ADAM20: variants seen among roughly 807,000 people sequenced by gnomAD.
ADAM20 encodes disintegrin and metalloproteinase domain-containing protein 20.
For missense variants in ADAM20, 871 were observed against 883.2 expected, an observed-to-expected ratio of 0.99 and a Z score of 0.18; for synonymous variants, 305 against 310.2, an observed-to-expected ratio of 0.98 and a Z score of 0.18.
At chr14:70,545,237 G>A in the ADAM20 span, among the ~76,000 whole-genome samples, 3 of 152,274 alleles carry the variant, frequency 2.0e-5, no homozygotes, top group Non-Finnish European at 4.4e-5. Flanking sequence ...ACAGTGCCCC[G>A]TTTTGACTTC....
chr14:70,565,467 C>T, the ADAM20 span, among the ~76,000 whole-genome samples: 1 of 152,004 alleles, frequency 6.6e-6, no homozygotes, highest in African/African-American at 2.4e-5. Flanking sequence ...ACATTATAGT[C>T]AAAATGTCAA....
the ADAM20 span, among the ~76,000 whole-genome samples, chr14:70,561,597 G>A: frequency 2.0e-5 from 3 of 152,260 alleles, no homozygotes; most frequent in Non-Finnish European, 4.4e-5. Context: ...AGGTCTGGAG[G>A]CCTAGGAGAG....
chr14:70,547,108 A>G, the ADAM20 span, among the ~76,000 whole-genome samples: 1 of 152,246 alleles, frequency 6.6e-6, no homozygotes, highest in African/African-American at 2.4e-5. Flanking sequence ...AGAAATGTTT[A>G]AATTCCTAGA....
the ADAM20 span, among the ~76,000 whole-genome samples, chr14:70,559,015 A>G: frequency 1.3e-5 from 2 of 152,164 alleles, no homozygotes; most frequent in Non-Finnish European, 2.9e-5. Flanking sequence ...TGATGATCTC[A>G]TCCATCTCAT....
chr14:70,523,726 A>G lies in ADAM20; in HGVS notation c.1032T>C (p.Leu344=). The G allele has an allele frequency of 1.2e-6, 2 of 1,614,074 alleles. No homozygotes were observed. Among genetic ancestry groups the G allele is most frequent in the Non-Finnish European group, 1.7e-6 (2 of 1,179,964 alleles). The change falls in exon 2 of 2, where the codon CTT becomes CTC. Residue 344 remains leucine (L), a synonymous_variant. Coordinates refer to ENST00000256389, the MANE Select transcript of ADAM20 (RefSeq NM_003814.5). ...CATGTTGCATACCCAAATTATGACCAAGCTCGTGGCCCAAAGTAATTGCAA... is the reference window on the plus strand; with the variant it reads ...CATGTTGCATACCCAAATTATGACCGAGCTCGTGGCCCAAAGTAATTGCAA... ...VVFAITLGHE[L]GHNLGMQHDT...
chr14:70,526,379 A>G (rs1883591987), intron 1 of ADAM20, among the ~76,000 whole-genome samples: 1 of 152,134 alleles, frequency 6.6e-6, no homozygotes, highest in African/African-American at 2.4e-5. Context: ...GGATGCCACA[A>G]GAGGAAATCA....
Position 70,522,688 on chromosome 14 carries a change from C to T in ADAM20, c.2070G>A (p.Lys690=), listed in dbSNP as rs766302796. 1.2e-6 allele frequency: 2 copies of T among 1,613,988 alleles called. No individual in the cohort carries two copies. The highest frequency in any genetic ancestry group is 3.3e-5 in the Admixed American group (2 of 59,982). ...GGCACAATAGTGACAGGTAACGCAA[C>T]TTTCCCATCACATTTAATCCTTCCA... ...NNMEGLNVMG[K]LRYLSLLCLL... The change falls in exon 2 of 2, where the codon AAG becomes AAA. Residue 690 remains lysine, a synonymous_variant. Transcript: ENST00000256389.
chr14:70,524,152 C>G lies in ADAM20; in HGVS notation c.606G>C (p.Trp202Cys), dbSNP rs538562888. ...FTLKQSSFVG[W>C]WTHQRFVELV... ...GCTCAACAAACCGCTGATGGGTCCA[C>G]CAGCCCACAAAAGAACTTTGCTTCA... Residue 202 changes from tryptophan (W) to cysteine (C), a missense_variant, in exon 2 of 2, where the codon TGG becomes TGC. By Grantham distance (215) the Trp-to-Cys change is radical (BLOSUM62 -2). Coordinates refer to ENST00000256389, the MANE Select transcript of ADAM20 (RefSeq NM_003814.5). The G allele has an allele frequency of 5.0e-6, 8 of 1,613,858 alleles. No individual in the cohort carries two copies. Among genetic ancestry groups the G allele is most frequent in the South Asian group, 3.3e-5 (3 of 91,078 alleles).
At chr14:70,574,753 AAG>A in the ADAM20 span, among the ~76,000 whole-genome samples, 2 of 152,234 alleles carry the variant, frequency 1.3e-5, no homozygotes, top group African/African-American at 4.8e-5. Flanking sequence ...AGAAACAACA[AAG>A]ATCAGGGCAG....
the ADAM20 span, among the ~76,000 whole-genome samples, chr14:70,554,317 G>T: frequency 2.6e-5 from 4 of 152,148 alleles, no homozygotes; most frequent in Non-Finnish European, 5.9e-5. Flanking sequence ...AAAAAGTATG[G>T]AGATTCCTTA....
At chr14:70,553,309 T>TAAAAAAAA in the ADAM20 span, among the ~76,000 whole-genome samples, 10 of 17,254 alleles carry the variant, frequency 5.8e-4, no homozygotes, top group East Asian at 5.5e-3. Context: ...TAGAGTATAA[T>TAAAAAAAA]AAAAAAAAAA....
the ADAM20 span, among the ~76,000 whole-genome samples, chr14:70,567,569 GA>G: frequency 3.3e-5 from 5 of 152,162 alleles, no homozygotes; most frequent in Non-Finnish European, 7.3e-5. Context: ...TGCATTCGGA[GA>G]AAGCATTTTT....
chr14:70,543,532 G>A, the ADAM20 span, among the ~76,000 whole-genome samples: 1 of 151,996 alleles, frequency 6.6e-6, no homozygotes, highest in Non-Finnish European at 1.5e-5. Flanking sequence ...TTTAAAGAAG[G>A]GGCTAAAAAG....
At chr14:70,575,510 A>T in the ADAM20 span, among the ~76,000 whole-genome samples, 1 of 152,296 alleles carries the variant, frequency 6.6e-6, no homozygotes, top group East Asian at 1.9e-4. Flanking sequence ...ACAAAAGAAC[A>T]CACAAAAAAA....
chr14:70,575,384 G>A, the ADAM20 span, among the ~76,000 whole-genome samples: 2 of 151,784 alleles, frequency 1.3e-5, no homozygotes, highest in African/African-American at 4.8e-5. Flanking sequence ...TAGTAGAGAT[G>A]GGGTTTCAGG....
At chr14:70,555,926 G>A in the ADAM20 span, among the ~76,000 whole-genome samples, 4 of 152,256 alleles carry the variant, frequency 2.6e-5, no homozygotes, top group African/African-American at 7.2e-5. Context: ...ACCTGCAACA[G>A]TTCCTTTTAA....
At chr14:70,535,416 G>A (rs1033040374), upstream of ADAM20, among the ~76,000 whole-genome samples, 1 of 152,166 alleles carries the variant, frequency 6.6e-6, no homozygotes. Context: ...GACTGGGAAG[G>A]GGGAAAACTT....
At chr14:70,579,060 G>T in the ADAM20 span, among the ~76,000 whole-genome samples, 1 of 152,060 alleles carries the variant, frequency 6.6e-6, no homozygotes, top group African/African-American at 2.4e-5. Flanking sequence ...TGGTGTATAG[G>T]TACATTTTTA....
chr14:70,574,572 A>G, the ADAM20 span, among the ~76,000 whole-genome samples: 4 of 152,112 alleles, frequency 2.6e-5, no homozygotes, highest in Admixed American at 6.5e-5. Context: ...CCCGGGAGGC[A>G]GAGCTTGCAG....
Sources: allele counts gnomAD v4.1 joint callset (sites outside exome capture counted in the v4.1 genomes callset), GRCh38; gene constraint gnomAD v4.1.1; transcripts MANE v1.5; gene names NCBI Gene and HGNC (gene_info 2026-07-23, HGNC 2026-07-21).